Variants in DLGAP4 observed in about 807,000 individuals in gnomAD.
The protein encoded by DLGAP4 is disks large-associated protein 4.
Under a neutral mutation model 86.9 loss-of-function variants are expected in DLGAP4, and 18 were observed. The ratio of observed to expected loss-of-function variants is 0.21; its 90% CI spans 0.14 to 0.31. DLGAP4 has a LOEUF of 0.31. Ranked by LOEUF, DLGAP4 falls within the 10% of genes least tolerant of loss-of-function variation. The probability of loss-of-function intolerance (pLI) is 1.00; values close to 1 mark genes in which losing one functional copy is unlikely to be tolerated. For synonymous variants in DLGAP4, 548 were observed against 574.3 expected (o/e 0.95, Z 0.65); for missense variants, 1,085 against 1,362.6 (o/e 0.80, Z 3.21).
At chr20:36,400,142 C>A (rs949507312) in intron 2 of DLGAP4, among the ~76,000 whole-genome samples, 15 of 152,162 alleles carry the variant, frequency 9.9e-5, no homozygotes, top group Non-Finnish European at 2.1e-4. Context: ...CTTGAAGTAC[C>A]TTTTTACCCA....
intron 2 of DLGAP4, among the ~76,000 whole-genome samples, chr20:36,382,916 T>C (rs1338125195): frequency 1.3e-5 from 2 of 152,276 alleles, no homozygotes; most frequent in African/African-American, 2.4e-5. Flanking sequence ...TAGTAGACAC[T>C]CAACATGAGC....
intron 8 of DLGAP4, chr20:36,499,354 A>ACCCCCCCCCCCCCCCCC: frequency 9.3e-7 from 1 of 1,072,078 alleles, no homozygotes. Context: ...ACCCCATCCC[A>ACCCCCCCCCCCCCCCCC]CCTCCCGCCC....
In DLGAP4 at chr20:36,499,803, C is replaced by T. The variant is rs533028606; in HGVS notation, c.2099+127C>T. 107 of 430,520 alleles carry T rather than the reference C, an allele frequency of 2.5e-4. 4 individuals are homozygous for T. The highest frequency in any genetic ancestry group is 2.2e-3 in the South Asian group (100 of 44,996). The allele number at this position is 430,520 out of a possible 1,614,324, so 26.7% of individuals were successfully genotyped here. ...TAATAACCAAGCTGGGTTTGGGTTG[C>T]GGGTGGTGGCCCAGGCATGGGAGGC... is the stretch of plus-strand genomic sequence containing the variant. On this transcript the variant is annotated intron_variant, in intron 9 of 12. Coordinates refer to ENST00000339266, the MANE Select transcript of DLGAP4 (RefSeq NM_001365621.2).
chr20:36,493,759 CT>C (rs1272953878), intron 7 of DLGAP4, among the ~76,000 whole-genome samples: 1 of 152,226 alleles, frequency 6.6e-6, no homozygotes, highest in Non-Finnish European at 1.5e-5. Context: ...ACTCCTGCAA[CT>C]TTGAGCAAGT....
intron 7 of DLGAP4, among the ~76,000 whole-genome samples, chr20:36,463,069 A>G (rs1463940987): frequency 6.6e-6 from 1 of 152,150 alleles, no homozygotes; most frequent in Non-Finnish European, 1.5e-5. Context: ...AGAACTTTGC[A>G]GAACACCAGA....
chr20:36,392,148 G>A (rs2031805429), intron 2 of DLGAP4, among the ~76,000 whole-genome samples: 1 of 152,220 alleles, frequency 6.6e-6, no homozygotes, highest in Admixed American at 6.5e-5. Context: ...GGCAGGAGCT[G>A]TTGGAGCAAG....
At position 36,431,783 on chromosome 20, in the gene DLGAP4, C is replaced by T. The variant is rs62210512; in HGVS notation, c.66C>T (p.Pro22=). Reference sequence around the variant, plus strand: ...ACAGCCTAGACCCACCCCACGAGCCCCTGTTTGCAGGGACCGACCGCAACC... The same window carrying T: ...ACAGCCTAGACCCACCCCACGAGCCTCTGTTTGCAGGGACCGACCGCAACC... ...LSDSLDPPHE[P]LFAGTDRNPY... is the part of the protein sequence containing the mutation. Residue 22 remains proline, a synonymous_variant, in exon 3 of 13, where the codon CCC becomes CCT. Transcript: ENST00000339266. This position sits in a 1 kb window ranked among gnomAD's most constrained non-coding sequence, Gnocchi z 5.1. The T allele has an allele frequency of 0.019, 30,264 of 1,613,332 alleles. 376 individuals are homozygous for T. Among genetic ancestry groups the T allele is most frequent in the Middle Eastern group, 0.03 (182 of 6,062 alleles).
chr20:36,449,568 G>A (rs2033682448), intron 7 of DLGAP4, among the ~76,000 whole-genome samples: 1 of 152,204 alleles, frequency 6.6e-6, no homozygotes, highest in African/African-American at 2.4e-5. Flanking sequence ...CTCCCAGGCT[G>A]TCCCAGGCAC....
At chr20:36,378,586 A>G (rs545423224) in intron 2 of DLGAP4, among the ~76,000 whole-genome samples, 1 of 152,202 alleles carries the variant, frequency 6.6e-6, no homozygotes, top group East Asian at 1.9e-4. Context: ...CCAGGGTAGA[A>G]TGTAGACACC....
chr20:36,391,319 T>C (rs1294021079), intron 2 of DLGAP4, among the ~76,000 whole-genome samples: 3 of 152,100 alleles, frequency 2.0e-5, no homozygotes, highest in Non-Finnish European at 4.4e-5. Flanking sequence ...CTAATTTGCC[T>C]CCTCTCTAAT....
intron 2 of DLGAP4, among the ~76,000 whole-genome samples, chr20:36,426,261 T>A (rs1438844309): frequency 6.6e-6 from 1 of 152,180 alleles, no homozygotes; most frequent in Non-Finnish European, 1.5e-5. Context: ...ACATCTGTAA[T>A]CCCAGCACTT....
chr20:36,526,225 T>C (rs552952649), intron 12 of DLGAP4: 25 of 651,464 alleles, frequency 3.8e-5, no homozygotes, highest in Non-Finnish European at 5.9e-5. Context: ...TGTCCTGCCC[T>C]GCATGTCCAG....
intron 10 of DLGAP4, among the ~76,000 whole-genome samples, chr20:36,518,104 G>A (rs1182928653): frequency 1.3e-5 from 2 of 151,890 alleles, no homozygotes; most frequent in African/African-American, 2.4e-5. Context: ...CCTGTAATCC[G>A]AGCTACACTC....
chr20:36,312,079 C>T (rs1248454901), intron 1 of DLGAP4, among the ~76,000 whole-genome samples: 1 of 152,178 alleles, frequency 6.6e-6, no homozygotes, highest in Non-Finnish European at 1.5e-5. Context: ...CTCCCCCAGC[C>T]CCGCCAGAGG....
At chr20:36,353,007 C>G (rs1436790647) in intron 1 of DLGAP4, among the ~76,000 whole-genome samples, 1 of 152,216 alleles carries the variant, frequency 6.6e-6, no homozygotes, top group Non-Finnish European at 1.5e-5. Context: ...CCTGCGTCCA[C>G]TGTGTGGCCT....
chr20:36,496,203 G>A (rs2035880326), intron 7 of DLGAP4, among the ~76,000 whole-genome samples: 1 of 151,986 alleles, frequency 6.6e-6, no homozygotes, highest in Non-Finnish European at 1.5e-5. Context: ...GGTGGAGAGG[G>A]GGCATCCAAG....
At chr20:36,475,701 A>G (rs990657522) in intron 7 of DLGAP4, among the ~76,000 whole-genome samples, 2 of 152,174 alleles carry the variant, frequency 1.3e-5, no homozygotes, top group Non-Finnish European at 2.9e-5. Context: ...GTTAACTCAA[A>G]TCAGAAAATT....
At chr20:36,468,295 C>T (rs953899817) in intron 7 of DLGAP4, among the ~76,000 whole-genome samples, 1 of 152,234 alleles carries the variant, frequency 6.6e-6, no homozygotes, top group Non-Finnish European at 1.5e-5. Flanking sequence ...GCCCAGCCAA[C>T]GCAATCAGTC....
At chr20:36,380,080 G>A (rs1015983330) in intron 2 of DLGAP4, among the ~76,000 whole-genome samples, 1 of 151,944 alleles carries the variant, frequency 6.6e-6, no homozygotes, top group Non-Finnish European at 1.5e-5. Context: ...CTGCTCAGGG[G>A]ACTGTGGTGT....
Sources: allele counts gnomAD v4.1 joint callset (sites outside exome capture counted in the v4.1 genomes callset), GRCh38; gene constraint gnomAD v4.1.1; non-coding constraint Gnocchi (gnomAD v3.1); transcripts MANE v1.5; gene names NCBI Gene and HGNC (gene_info 2026-07-23, HGNC 2026-07-21).